The following RBFOX1 variants were observed in gnomAD, a reference collection of about 807,000 sequenced individuals.
RBFOX1 encodes RNA binding protein fox-1 homolog 1.
In RBFOX1, 8 loss-of-function variants were observed where a neutral mutation model predicts 57.7. That is an observed-to-expected ratio of 0.14 (90% CI 0.08 to 0.25). The LOEUF (loss-of-function observed/expected upper bound fraction) is 0.25. Among genes scored for constraint, RBFOX1 ranks in the 10% least tolerant of loss-of-function variants. The probability of loss-of-function intolerance (pLI) is 1.00; values close to 1 mark genes in which losing one functional copy is unlikely to be tolerated. For synonymous variants in RBFOX1, 326 were observed against 222.4 expected (o/e 1.47, Z -4.15); for missense variants, 611 against 548.5 (o/e 1.11, Z -1.14).
intron 3 of RBFOX1, among the ~76,000 whole-genome samples, chr16:6,808,309 C>T (rs771437596): frequency 1.1e-4 from 16 of 151,866 alleles, no homozygotes; most frequent in Non-Finnish European, 2.1e-4. Flanking sequence ...TTTCTAATAT[C>T]ACCCCACCAC....
intron 2 of RBFOX1, among the ~76,000 whole-genome samples, chr16:6,544,869 C>T (rs1048372389): frequency 2.6e-5 from 4 of 152,184 alleles, no homozygotes; most frequent in South Asian, 2.1e-4. Flanking sequence ...AGTTGGAATC[C>T]GTTACCTTTG....
At position 5,882,221 on chromosome 16, in the gene RBFOX1, G is replaced by C. The variant is rs192745396; in HGVS notation, c.351+14886G>C. Reference sequence around the variant, plus strand: ...TTTTCCACTTTGTTTACCGTTCCTCGTAGCTATGTCAGAGGTGGAAGTGAA... The same window carrying C: ...TTTTCCACTTTGTTTACCGTTCCTCCTAGCTATGTCAGAGGTGGAAGTGAA... On this transcript the variant is annotated intron_variant, in intron 4 of 19. Coordinates refer to the RBFOX1 transcript ENST00000641259. 2.0e-5 allele frequency among the ~76,000 whole-genome samples: 3 copies of C among 152,088 alleles called. No individual in the cohort carries two copies. In the East Asian group the frequency reaches 5.8e-4, roughly 29 times the overall value.
intron 3 of RBFOX1, among the ~76,000 whole-genome samples, chr16:6,809,537 C>G (rs558450350): frequency 1.8e-4 from 28 of 152,134 alleles, no homozygotes; most frequent in Non-Finnish European, 3.2e-4. Flanking sequence ...GAATAAGTTT[C>G]TGTGCACCTG....
chr16:7,700,990 G>A (rs1271884835), intron 14 of RBFOX1, among the ~76,000 whole-genome samples: 2 of 151,444 alleles, frequency 1.3e-5, no homozygotes, highest in African/African-American at 4.8e-5. Flanking sequence ...GTATCCATGG[G>A]CAAAAAAAAG....
chr16:7,670,126 G>A (rs2070892937), intron 13 of RBFOX1, among the ~76,000 whole-genome samples: 2 of 152,142 alleles, frequency 1.3e-5, no homozygotes, highest in South Asian at 4.1e-4. Flanking sequence ...CTGCCTCCCA[G>A]GTTCAAGCAA....
At chr16:5,474,641 C>T (rs950174068) in intron 2 of RBFOX1, among the ~76,000 whole-genome samples, 8 of 150,304 alleles carry the variant, frequency 5.3e-5, no homozygotes, top group Admixed American at 1.3e-4. Flanking sequence ...GGGACAAGAG[C>T]GAGACTTCGT....
At chr16:7,167,234 C>T (rs1278249246) in intron 4 of RBFOX1, among the ~76,000 whole-genome samples, 1 of 151,836 alleles carries the variant, frequency 6.6e-6, no homozygotes, top group Non-Finnish European at 1.5e-5. Context: ...GATCTGCCAG[C>T]TTCTGCCTAC....
chr16:6,489,323 T>C (rs1306280545), intron 2 of RBFOX1, among the ~76,000 whole-genome samples: 1 of 152,212 alleles, frequency 6.6e-6, no homozygotes, highest in Non-Finnish European at 1.5e-5. Flanking sequence ...CATAGGTTTA[T>C]TGGTTTATTT....
chr16:6,662,898 A>G (rs1603239290), intron 3 of RBFOX1, among the ~76,000 whole-genome samples: 1 of 152,226 alleles, frequency 6.6e-6, no homozygotes, highest in South Asian at 2.1e-4. Flanking sequence ...CTCGTAAAAC[A>G]TTTATTGAGA....
chr16:6,593,097 C>T (rs2097735562), intron 2 of RBFOX1, among the ~76,000 whole-genome samples: 2 of 152,156 alleles, frequency 1.3e-5, no homozygotes, highest in East Asian at 1.9e-4. Context: ...GATGCTGAGG[C>T]AGGAGAATCA....
At chr16:7,131,879 C>G (rs1010598090) in intron 4 of RBFOX1, among the ~76,000 whole-genome samples, 1 of 152,016 alleles carries the variant, frequency 6.6e-6, no homozygotes, top group Non-Finnish European at 1.5e-5. Context: ...CACATCTTAG[C>G]TTCTAGGGGG....
chr16:6,810,243 G>A (rs1196869230), intron 3 of RBFOX1, among the ~76,000 whole-genome samples: 2 of 152,186 alleles, frequency 1.3e-5, no homozygotes, highest in African/African-American at 2.4e-5. Context: ...TTTTCTTGGA[G>A]AAATTCACTT....
At chr16:6,949,209 C>A (rs952219770) in intron 3 of RBFOX1, among the ~76,000 whole-genome samples, 2 of 152,118 alleles carry the variant, frequency 1.3e-5, no homozygotes, top group African/African-American at 4.8e-5. Flanking sequence ...AAGCTAAATT[C>A]CAGGATATAG....
At chr16:6,142,221 ACT>A in intron 1 of RBFOX1, among the ~76,000 whole-genome samples, 1 of 125,052 alleles carries the variant, frequency 8.0e-6, no homozygotes, top group African/African-American at 2.9e-5. Context: ...AAAAAATCCA[ACT>A]CTTTTTTTTT....
intron 3 of RBFOX1, among the ~76,000 whole-genome samples, chr16:6,810,041 T>TC (rs2088050999): frequency 6.6e-6 from 1 of 151,632 alleles, no homozygotes; most frequent in East Asian, 1.9e-4. Flanking sequence ...TTTTTTTTTT[T>TC]CTGTTAATAA....
At chr16:5,258,080 T>C (rs147906491) in intron 1 of RBFOX1, among the ~76,000 whole-genome samples, 162 of 152,266 alleles carry the variant, frequency 1.1e-3, no homozygotes, top group African/African-American at 3.7e-3. Flanking sequence ...GGTTTCACCA[T>C]GTTGCCTAGG....
intron 3 of RBFOX1, among the ~76,000 whole-genome samples, chr16:5,710,851 G>C (rs992821120): frequency 6.6e-6 from 1 of 152,238 alleles, no homozygotes; most frequent in African/African-American, 2.4e-5. Flanking sequence ...GGCTCTGCAA[G>C]ACCTGGGGGA....
At chr16:6,839,953 T>A (rs2093366191) in intron 3 of RBFOX1, among the ~76,000 whole-genome samples, 1 of 152,196 alleles carries the variant, frequency 6.6e-6, no homozygotes, top group Non-Finnish European at 1.5e-5. Flanking sequence ...GATGAGCCTG[T>A]TTTCCTGTTT....
chr16:6,054,564 A>T (rs1462769490), intron 1 of RBFOX1, among the ~76,000 whole-genome samples: 1 of 152,152 alleles, frequency 6.6e-6, no homozygotes, highest in East Asian at 1.9e-4. Context: ...CTGGGTTGAC[A>T]CCCTGACCAT....
Sources: gnomAD v4.1 joint callset for allele counts (sites outside exome capture counted in the v4.1 genomes callset) on GRCh38, gnomAD v4.1.1 for gene constraint, MANE v1.5 for transcripts, NCBI Gene and HGNC (gene_info 2026-07-23, HGNC 2026-07-21) for gene names.